PECR: variants seen among roughly 807,000 people sequenced by gnomAD.
The protein encoded by PECR is 2,4-dienoyl-CoA reductase-related protein.
Under a neutral mutation model 35.3 loss-of-function variants are expected in PECR, and 30 were observed. The observed-to-expected ratio is 0.85, with a 90% CI of 0.64 to 1.15. The LOEUF (loss-of-function observed/expected upper bound fraction) is 1.15, where lower values mean the gene tolerates loss of function less well. Ranked by LOEUF, PECR falls within the 50% of genes most tolerant of loss-of-function variation. The pLI, the probability that PECR is intolerant of heterozygous loss-of-function variation, is 0.00. For missense variants in PECR, 392 were observed against 370.8 expected (o/e 1.06, Z -0.47); for synonymous variants, 148 against 138.9 (o/e 1.07, Z -0.46).
chr2:216,058,878 T>C lies in PECR; in HGVS notation c.506+17A>G. ...AAACTCAAAGACTTAGAAAGAAAAC[T>C]ATATAAAAACGCTTACACAGCTAAT... On this transcript the variant is annotated intron_variant, in intron 4 of 7. Transcript: ENST00000265322. 1 of 1,443,392 alleles carries C rather than the reference T, an allele frequency of 6.9e-7. No homozygotes were observed. Among genetic ancestry groups the C allele is most frequent in the Non-Finnish European group, 9.7e-7 (1 of 1,025,772 alleles). 89.4% of individuals were successfully genotyped at this position (1,443,392 alleles called of 1,614,324 possible).
downstream of PECR, among the ~76,000 whole-genome samples, chr2:216,036,541 A>T (rs1024585005): frequency 3.9e-5 from 6 of 152,212 alleles, no homozygotes; most frequent in African/African-American, 1.4e-4. Context: ...CACTGTAGAG[A>T]ATCCACATGA....
chr2:216,036,183 G>A (rs1694790388), downstream of PECR, among the ~76,000 whole-genome samples: 1 of 152,170 alleles, frequency 6.6e-6, no homozygotes, highest in African/African-American at 2.4e-5. Context: ...TCCACACCCC[G>A]CACCATCCAT....
intron 4 of PECR, among the ~76,000 whole-genome samples, chr2:216,058,378 G>A (rs900200985): frequency 1.1e-4 from 16 of 152,236 alleles, no homozygotes; most frequent in Admixed American, 2.6e-4. Flanking sequence ...GCATAAAGGA[G>A]GCATGCTGTC....
At chr2:216,046,656 G>T (rs1237341025) in intron 6 of PECR, among the ~76,000 whole-genome samples, 1 of 151,978 alleles carries the variant, frequency 6.6e-6, no homozygotes, top group Non-Finnish European at 1.5e-5. Flanking sequence ...TAATTGCCTT[G>T]ATTAAAATTC....
chr2:216,071,707 G>C (rs73056558), intron 1 of PECR, among the ~76,000 whole-genome samples: 14,191 of 151,988 alleles, frequency 0.093, 1,255 homozygotes, highest in African/African-American at 0.23. Context: ...ACAACTCCTG[G>C]GGCTACAGTA....
chr2:216,068,852 T>C (rs1371846610), intron 1 of PECR, among the ~76,000 whole-genome samples: 1 of 146,940 alleles, frequency 6.8e-6, no homozygotes. Flanking sequence ...AGGTCTATGT[T>C]GCAGAAATAG....
chr2:216,041,482 G>T (rs563926805), intron 7 of PECR, among the ~76,000 whole-genome samples: 7 of 152,168 alleles, frequency 4.6e-5, no homozygotes, highest in African/African-American at 1.4e-4. Flanking sequence ...ATGTGGGAGG[G>T]GAAAATAATA....
intron 1 of PECR, 30 bp downstream of exon 1, chr2:216,081,588 C>CCT: frequency 6.2e-7 from 1 of 1,613,686 alleles, no homozygotes; most frequent in Non-Finnish European, 8.5e-7. Flanking sequence ...ACCACAGCCA[C>CCT]CTCTCTGCAC....
downstream of PECR, among the ~76,000 whole-genome samples, chr2:216,036,362 G>A (rs910758519): frequency 4.6e-5 from 7 of 152,228 alleles, no homozygotes; most frequent in Admixed American, 1.3e-4. Flanking sequence ...CCAATGATCT[G>A]CTGCAGGATT....
chr2:216,040,964 A>G (rs1388697513), intron 7 of PECR, among the ~76,000 whole-genome samples: 2 of 152,202 alleles, frequency 1.3e-5, no homozygotes, highest in African/African-American at 2.4e-5. Flanking sequence ...ATACAGGAAC[A>G]AAATAGAGGC....
At chr2:216,058,456 C>A (rs1466637574) in intron 4 of PECR, among the ~76,000 whole-genome samples, 1 of 152,116 alleles carries the variant, frequency 6.6e-6, no homozygotes, top group Non-Finnish European at 1.5e-5. Flanking sequence ...CCTGGATTAT[C>A]TGTTAGGAGG....
At chr2:216,064,081 T>C (rs1695415641) in intron 3 of PECR, 1 of 152,184 alleles carries the variant, frequency 6.6e-6, no homozygotes, top group Non-Finnish European at 1.5e-5. Flanking sequence ...GAATTTCAAT[T>C]CTGTAGACTT....
chr2:216,039,136 T>G lies in PECR; in HGVS notation c.*139A>C. 1.5e-6 allele frequency: 1 copy of G among 648,282 alleles called. No individual in the cohort carries two copies. 40.2% of individuals were successfully genotyped at this position (648,282 alleles called of 1,614,324 possible). A position where few individuals can be genotyped will look rare whatever the true frequency, so the allele number is the denominator to read the frequency against. ...AAGACTGTATATATTTCAGGAATAG[T>G]TTTTCCATAGATATAATTAATAACA... On this transcript the variant is annotated 3_prime_UTR_variant, in exon 8 of 8. Coordinates refer to ENST00000265322, the MANE Select transcript of PECR (RefSeq NM_018441.6).
At chr2:216,052,803 C>CAT (rs1695142700) in intron 4 of PECR, among the ~76,000 whole-genome samples, 1 of 152,154 alleles carries the variant, frequency 6.6e-6, no homozygotes, top group Non-Finnish European at 1.5e-5. Context: ...CCCTGTTTCT[C>CAT]ATGTCTCTTT....
chr2:216,079,037 T>C (rs1695769062), intron 1 of PECR, among the ~76,000 whole-genome samples: 1 of 152,174 alleles, frequency 6.6e-6, no homozygotes, highest in African/African-American at 2.4e-5. Flanking sequence ...AATTGATAAC[T>C]GATTCTGATT....
At chr2:216,041,170 A>G (rs1187145789) in intron 7 of PECR, among the ~76,000 whole-genome samples, 3 of 152,180 alleles carry the variant, frequency 2.0e-5, no homozygotes, top group Non-Finnish European at 4.4e-5. Context: ...TGAAAAAAAT[A>G]TTTTTAATGA....
At chr2:216,076,164 G>A (rs1695691925) in intron 1 of PECR, among the ~76,000 whole-genome samples, 1 of 152,128 alleles carries the variant, frequency 6.6e-6, no homozygotes, top group Non-Finnish European at 1.5e-5. Context: ...AACCCAAATT[G>A]AGCAAAAAAG....
chr2:216,081,516 G>C, intron 1 of PECR, 102 bp downstream of exon 1: 1 of 1,451,740 alleles, frequency 6.9e-7, no homozygotes, highest in East Asian at 2.3e-5. Flanking sequence ...TTGCTCTGCA[G>C]CTCCACACTC....
intron 1 of PECR, among the ~76,000 whole-genome samples, chr2:216,079,135 C>A (rs1574711201): frequency 2.1e-5 from 3 of 143,580 alleles, no homozygotes; most frequent in African/African-American, 5.2e-5. Context: ...CATGGCCTTA[C>A]TAGGAAATGT....
Sources: allele counts gnomAD v4.1 joint callset (sites outside exome capture counted in the v4.1 genomes callset), GRCh38; gene constraint gnomAD v4.1.1; transcripts MANE v1.5; gene names NCBI Gene and HGNC (gene_info 2026-07-23, HGNC 2026-07-21).